ANKRD26: variants seen among roughly 807,000 people sequenced by gnomAD.
ANKRD26 encodes ankyrin repeat domain 26.
ANKRD26 carries 141 observed loss-of-function variants against 208.7 expected under a neutral mutation model. The ratio of observed to expected loss-of-function variants is 0.68; its 90% CI spans 0.59 to 0.78. The LOEUF (loss-of-function observed/expected upper bound fraction) is 0.78, where lower values mean the gene tolerates loss of function less well. Ranked by LOEUF, ANKRD26 falls within the 30% of genes least tolerant of loss-of-function variation. ANKRD26 has a pLI of 0.00. For missense variants in ANKRD26, 1,889 were observed against 1,938.7 expected, an observed-to-expected ratio of 0.97 and a Z score of 0.48; for synonymous variants, 636 against 660.4, an observed-to-expected ratio of 0.96 and a Z score of 0.57.
In ANKRD26 at chr10:27,004,986, C is replaced by A; in HGVS notation, c.*604G>T. 1.0e-6 allele frequency: 1 copy of A among 959,678 alleles called. No individual in the cohort carries two copies. Among genetic ancestry groups the A allele is most frequent in the Non-Finnish European group, 1.2e-6 (1 of 806,432 alleles). The allele number at this position is 959,678 out of a possible 1,614,324, so 59.4% of individuals were successfully genotyped here. On this transcript the variant is annotated 3_prime_UTR_variant, in exon 34 of 34. Coordinates refer to ENST00000376087, the MANE Select transcript of ANKRD26 (RefSeq NM_014915.3). ...TGACATAATGTCAGCAATTTACTCTCAAATTGTTCGGAGGAGAAAGTCTTT... is the reference window on the plus strand; with the variant it reads ...TGACATAATGTCAGCAATTTACTCTAAAATTGTTCGGAGGAGAAAGTCTTT...
intron 15 of ANKRD26, among the ~76,000 whole-genome samples, chr10:27,055,733 A>G (rs1413473838): frequency 6.6e-6 from 1 of 152,228 alleles, no homozygotes; most frequent in Non-Finnish European, 1.5e-5. Flanking sequence ...AGCTGGGGAT[A>G]CACTATAGAG....
At chr10:26,976,143 T>C (rs1423622010) in intron 5 of ANKRD26, among the ~76,000 whole-genome samples, 2 of 152,184 alleles carry the variant, frequency 1.3e-5, no homozygotes, top group Non-Finnish European at 2.9e-5. Flanking sequence ...AACTTATACA[T>C]CACATTCTTG....
chr10:27,035,653 T>A lies in ANKRD26; in HGVS notation c.2797A>T (p.Asn933Tyr), dbSNP rs2054019060. 1.3e-6 allele frequency: 2 copies of A among 1,590,574 alleles called. No homozygotes were observed. Among genetic ancestry groups the A allele is most frequent in the Non-Finnish European group, 1.7e-6 (2 of 1,172,796 alleles). ...TTCTTTTCTTTTTCCTGGTTTTGAT[T>A]TTTTATTGTGTCTATTTCTAGTCTT... ...MLRLEIDTIK[N>Y]QNQEKEKKCF... Residue 933 changes from asparagine to tyrosine, a missense_variant, in exon 24 of 34, where the codon AAT becomes TAT. By Grantham distance (143) the Asn-to-Tyr change is moderately radical (BLOSUM62 -2). Around this residue, in one of 3 missense-constraint regions of ANKRD26, gnomAD observed 1,272 missense variants for 1,273.8 expected, o/e 1.00. Coordinates refer to ENST00000376087, the MANE Select transcript of ANKRD26 (RefSeq NM_014915.3).
intron 3 of ANKRD26, among the ~76,000 whole-genome samples, chr10:26,984,903 G>A (rs2052360879): frequency 6.6e-6 from 1 of 152,096 alleles, no homozygotes; most frequent in Non-Finnish European, 1.5e-5. Flanking sequence ...AGGGTGGTAG[G>A]CACAACGGAA....
chr10:27,023,356 A>C (rs902880274), intron 28 of ANKRD26, among the ~76,000 whole-genome samples: 2 of 152,048 alleles, frequency 1.3e-5, no homozygotes, highest in Non-Finnish European at 1.5e-5. Flanking sequence ...AAAAGAAAAG[A>C]AAAGCATACA....
chr10:27,061,559 AT>A (rs11399797), intron 12 of ANKRD26, among the ~76,000 whole-genome samples: 208 of 134,206 alleles, frequency 1.5e-3, no homozygotes, highest in African/African-American at 2.7e-3. Flanking sequence ...TGCAACATCT[AT>A]TTTTTTTTTT....
chr10:27,037,427 C>T, intron 22 of ANKRD26, 104 bp from the exon 23 acceptor site: 1 of 1,203,830 alleles, frequency 8.3e-7, no homozygotes, highest in Admixed American at 2.0e-5. Flanking sequence ...GGAAATAGCA[C>T]ATTAAAATGC....
chr10:27,015,252 T>A (rs2053251439), intron 30 of ANKRD26, among the ~76,000 whole-genome samples: 1 of 152,218 alleles, frequency 6.6e-6, no homozygotes, highest in Admixed American at 6.5e-5. Flanking sequence ...TACAGGAACT[T>A]AGAGCTTCTT....
chr10:27,094,931 T>G (rs916730882), intron 1 of ANKRD26, among the ~76,000 whole-genome samples: 1 of 151,834 alleles, frequency 6.6e-6, no homozygotes, highest in Non-Finnish European at 1.5e-5. Flanking sequence ...GCCCAGGAGG[T>G]TGAGGCTGTA....
chr10:27,062,497 A>G (rs1451900212), intron 12 of ANKRD26, among the ~76,000 whole-genome samples: 1 of 152,198 alleles, frequency 6.6e-6, no homozygotes, highest in Non-Finnish European at 1.5e-5. Context: ...CAAGATCCCC[A>G]GCTGATTTAT....
chr10:27,028,505 G>A (rs1471669431), intron 27 of ANKRD26, among the ~76,000 whole-genome samples: 2 of 148,876 alleles, frequency 1.3e-5, no homozygotes, highest in African/African-American at 5.0e-5. Flanking sequence ...GCTGAGGCAG[G>A]AGAATGGCGT....
chr10:26,951,019 C>CTTTTTTTTTTTTTTTTTTTTTTTTT, the ANKRD26 span, among the ~76,000 whole-genome samples: 11 of 48,602 alleles, frequency 2.3e-4, no homozygotes, highest in South Asian at 1.7e-3. Context: ...TTTTCTTTTT[C>CTTTTTTTTTTTTTTTTTTTTTTTTT]TTTTTTTTTT....
intron 16 of ANKRD26, among the ~76,000 whole-genome samples, chr10:27,050,832 T>C (rs1409919134): frequency 6.6e-6 from 1 of 152,226 alleles, no homozygotes; most frequent in African/African-American, 2.4e-5. Flanking sequence ...AGTCCATATG[T>C]CACTTGGAAG....
Position 27,005,528 on chromosome 10 carries a change from A to G in ANKRD26, c.*62T>C, listed in dbSNP as rs543630204. ...TTCCTTTAATATTTTTACATGTCAT[A>G]TATTAATATTTAATGAGAAACAAAA... is the stretch of plus-strand genomic sequence containing the variant. On this transcript the variant is annotated 3_prime_UTR_variant, in exon 34 of 34. Coordinates refer to ENST00000376087, the MANE Select transcript of ANKRD26 (RefSeq NM_014915.3). 43 of 1,574,318 alleles carry G rather than the reference A, an allele frequency of 2.7e-5. No homozygotes were observed. Among genetic ancestry groups the G allele is most frequent in the Non-Finnish European group, 3.6e-5 (42 of 1,152,732 alleles).
intron 4 of ANKRD26, among the ~76,000 whole-genome samples, chr10:26,995,771 G>A (rs1186353454): frequency 6.6e-6 from 1 of 152,170 alleles, no homozygotes; most frequent in Non-Finnish European, 1.5e-5. Context: ...TCCCTTATTG[G>A]CTAATTGTGT....
At chr10:27,029,198 A>G (rs2053779863) in intron 26 of ANKRD26, 88 bp downstream of exon 26, 1 of 1,432,592 alleles carries the variant, frequency 7.0e-7, no homozygotes, top group East Asian at 2.4e-5. Context: ...AGATGTACTT[A>G]TGATCATAGC....
intron 9 of ANKRD26, among the ~76,000 whole-genome samples, chr10:27,074,553 T>C (rs904016196): frequency 1.1e-4 from 17 of 152,054 alleles, no homozygotes; most frequent in Non-Finnish European, 2.1e-4. Flanking sequence ...TGGTAGCGTA[T>C]ACCTGTAATC....
chr10:27,013,083 G>A lies in ANKRD26; in HGVS notation c.4752C>T (p.Asn1584=). Residue 1584 remains asparagine (N), a synonymous_variant, in exon 32 of 34, where the codon AAC becomes AAT. Coordinates refer to ENST00000376087, the MANE Select transcript of ANKRD26 (RefSeq NM_014915.3). ...TKTNERLAEV[N]TKLLVEKQQS... is the part of the protein sequence containing the mutation. ...GCTGTTTTTCCACAAGAAGTTTGGT[G>A]TTGACCTCTGCTAGCCTCTCATTAG... is the stretch of plus-strand genomic sequence containing the variant. 4 of 1,613,928 alleles carry A rather than the reference G, an allele frequency of 2.5e-6. No individual in the cohort carries two copies. Among genetic ancestry groups the A allele is most frequent in the African/African-American group, 1.3e-5 (1 of 75,042 alleles).
chr10:27,002,528 T>G (rs1452514652), downstream of ANKRD26, among the ~76,000 whole-genome samples: 1 of 152,178 alleles, frequency 6.6e-6, no homozygotes, highest in Non-Finnish European at 1.5e-5. Context: ...TGAGTGGCCC[T>G]GCAATGGGAT....
Sources: allele counts gnomAD v4.1 joint callset (sites outside exome capture counted in the v4.1 genomes callset), GRCh38; gene constraint gnomAD v4.1.1; regional missense constraint gnomAD v4.1.1; transcripts MANE v1.5; gene names NCBI Gene and HGNC (gene_info 2026-07-23, HGNC 2026-07-21).